FRAS1: variants seen among roughly 807,000 people sequenced by gnomAD.
FRAS1 encodes the protein extracellular matrix organizing protein FRAS1.
FRAS1 carries 290 observed loss-of-function variants against 435.2 expected under a neutral mutation model. The observed-to-expected ratio is 0.67, with a 90% confidence interval of 0.61 to 0.73. The LOEUF (loss-of-function observed/expected upper bound fraction) is 0.73. Ranked by LOEUF, FRAS1 falls within the 30% of genes least tolerant of loss-of-function variation. The pLI, the probability that FRAS1 is intolerant of heterozygous loss-of-function variation, is 0.00. For synonymous variants in FRAS1, 1,800 were observed against 1,851.0 expected (o/e 0.97, Z 0.71); for missense variants, 4,860 against 5,001.5 (o/e 0.97, Z 0.85).
chr4:78,057,972 G>A lies in FRAS1; in HGVS notation c.-38G>A, dbSNP rs1270460614. 1 of 1,602,730 alleles carries A rather than the reference G, an allele frequency of 6.2e-7. No individual in the cohort carries two copies. Among genetic ancestry groups the A allele is most frequent in the Non-Finnish European group, 8.5e-7 (1 of 1,170,328 alleles). On this transcript the variant is annotated 5_prime_UTR_variant, in exon 1 of 74. Transcript: ENST00000512123. This position sits in a 1 kb window ranked among gnomAD's most constrained non-coding sequence, Gnocchi z 4.2. ...TTGGCGGAGCCGCTTCTTGGATGCTGAAGGCTGGGCTCCTCCATCGTGGGT... is the reference window on the plus strand; with the variant it reads ...TTGGCGGAGCCGCTTCTTGGATGCTAAAGGCTGGGCTCCTCCATCGTGGGT...
At chr4:78,118,473 C>T (rs186308915) in intron 2 of FRAS1, among the ~76,000 whole-genome samples, 4 of 150,968 alleles carry the variant, frequency 2.6e-5, no homozygotes, top group African/African-American at 7.3e-5. Context: ...AGCTGCAGAT[C>T]GAGCTTCCCG....
intron 2 of FRAS1, among the ~76,000 whole-genome samples, chr4:78,178,443 A>C (rs1442067099): frequency 6.6e-6 from 1 of 152,238 alleles, no homozygotes; most frequent in Non-Finnish European, 1.5e-5. Context: ...CTCACATATA[A>C]GAAGAAGCTA....
At chr4:78,132,162 T>C (rs1430406823) in intron 2 of FRAS1, among the ~76,000 whole-genome samples, 1 of 152,240 alleles carries the variant, frequency 6.6e-6, no homozygotes, top group Non-Finnish European at 1.5e-5. Context: ...GCCAGGAACC[T>C]GGTTCTTGTA....
chr4:78,422,525 G>A lies in FRAS1; in HGVS notation c.4678+525G>A, dbSNP rs145156306. Among the ~76,000 whole-genome samples, 143 of 152,298 alleles carry A rather than the reference G, an allele frequency of 9.4e-4. 1 individual carries two copies. The highest frequency in any genetic ancestry group is 3.2e-3 in the African/African-American group (135 of 41,562). The stretch of plus-strand genomic sequence containing the variant: ...AAAAGTGTATGTATTTGGATGGTCA[G>A]GAAAATGTCCCTGAAGGAAGAGCAC... On this transcript the variant is annotated intron_variant, in intron 34 of 73. Transcript: ENST00000512123.
At chr4:78,167,972 A>G (rs984030780) in intron 2 of FRAS1, among the ~76,000 whole-genome samples, 7 of 151,964 alleles carry the variant, frequency 4.6e-5, no homozygotes. Context: ...TATGTTCTAT[A>G]TGTATCAAGA....
rs575534090 is a variant in FRAS1, at chr4:78,457,235, G to A, written c.6763+4881G>A. Among the ~76,000 whole-genome samples, 12 of 152,276 alleles carry A rather than the reference G, an allele frequency of 7.9e-5. No individual in the cohort carries two copies. In the South Asian group the frequency reaches 2.5e-3, roughly 32 times the overall value. ...CTTTCCTCCCACTGTGGAGTCCACC[G>A]GAAGCTGAACCAGAGCCCGAAATAA... On this transcript the variant is annotated intron_variant, in intron 47 of 73. Coordinates refer to ENST00000512123, the MANE Select transcript of FRAS1 (RefSeq NM_025074.7).
intron 66 of FRAS1, among the ~76,000 whole-genome samples, 191 bp from the exon 67 acceptor site, chr4:78,519,140 C>T (rs947830059): frequency 6.6e-6 from 1 of 152,168 alleles, no homozygotes; most frequent in Non-Finnish European, 1.5e-5. Context: ...AGAAGCATCC[C>T]GGCTGCTTTC....
chr4:78,438,867 G>T, intron 39 of FRAS1, 35 bp from the exon 40 acceptor site: 1 of 1,578,614 alleles, frequency 6.3e-7, no homozygotes, highest in Non-Finnish European at 8.6e-7. Context: ...TTGTCATCGT[G>T]GCTTATTCAT....
intron 2 of FRAS1, among the ~76,000 whole-genome samples, chr4:78,191,827 T>C (rs184140556): frequency 6.6e-6 from 1 of 152,270 alleles, no homozygotes; most frequent in Non-Finnish European, 1.5e-5. Flanking sequence ...TTGCTGAGAA[T>C]GATGGTTTCC....
At chr4:78,407,086 T>C (rs1267718990) in intron 30 of FRAS1, among the ~76,000 whole-genome samples, 1 of 152,240 alleles carries the variant, frequency 6.6e-6, no homozygotes, top group Non-Finnish European at 1.5e-5. Context: ...ACTTGGGTCC[T>C]GAATCCAAGA....
At chr4:78,522,615 G>A (rs1721419623) in intron 68 of FRAS1, 34 bp from the exon 69 acceptor site, 1 of 1,554,390 alleles carries the variant, frequency 6.4e-7, no homozygotes, top group Non-Finnish European at 8.7e-7. Flanking sequence ...TCTACCACAA[G>A]TACATTAAAT....
chr4:78,259,549 G>C (rs1196731901), intron 6 of FRAS1, among the ~76,000 whole-genome samples: 2 of 151,944 alleles, frequency 1.3e-5, no homozygotes, highest in East Asian at 3.9e-4. Context: ...CTTTTTGATA[G>C]GGTTGTTTGT....
intron 46 of FRAS1, 125 bp downstream of exon 46, chr4:78,452,016 T>G: frequency 1.6e-6 from 2 of 1,254,544 alleles, no homozygotes; most frequent in Non-Finnish European, 2.2e-6. Context: ...AAACTGAAAA[T>G]CATACCCCCT....
At chr4:78,373,881 T>C (rs1253013329) in intron 24 of FRAS1, among the ~76,000 whole-genome samples, 1 of 152,018 alleles carries the variant, frequency 6.6e-6, no homozygotes, top group African/African-American at 2.4e-5. Flanking sequence ...CAACCCCCAT[T>C]TTATAGAGAA....
At position 78,173,072 on chromosome 4, in the gene FRAS1, G is replaced by C. The variant is rs530363758; in HGVS notation, c.109-64438G>C. On this transcript the variant is annotated intron_variant, in intron 2 of 73. Transcript: ENST00000512123. ...ACAGCTCAGGTGTGCTCGAAAGGCT[G>C]ACTTCGGTTTTACAACTCTGCTCAG... 3.9e-4 allele frequency among the ~76,000 whole-genome samples: 60 copies of C among 152,354 alleles called. 1 individual carries two copies. Among genetic ancestry groups the C allele is most frequent in the South Asian group, 3.7e-3 (18 of 4,826 alleles).
At chr4:78,159,687 C>G (rs1219441589) in intron 2 of FRAS1, among the ~76,000 whole-genome samples, 1 of 152,110 alleles carries the variant, frequency 6.6e-6, no homozygotes, top group African/African-American at 2.4e-5. Context: ...TCGAGACCAG[C>G]CTGGCCAACA....
In FRAS1 at chr4:78,282,917, G is replaced by A. The variant is rs1236311405; in HGVS notation, c.1205G>A (p.Gly402Asp). ...YEPSCPPCPV[G>D]TLALEVKGQC... is the part of the protein sequence containing the mutation. ...CCCTCTTGCCCACCATGTCCAGTGG[G>A]CACACTGGCCTTAGAGGTGAAGGGA... Residue 402 changes from glycine to aspartate, a missense_variant, in exon 12 of 74, where the codon GGC becomes GAC. Physicochemically the swap from Gly to Asp is moderately conservative, Grantham distance 94. Transcript: ENST00000512123. 6 of 1,610,734 alleles carry A rather than the reference G, an allele frequency of 3.7e-6. No homozygotes were observed. In the South Asian group the frequency reaches 4.4e-5, roughly 12 times the overall value.
At chr4:78,207,872 C>T (rs1723328318) in intron 2 of FRAS1, among the ~76,000 whole-genome samples, 1 of 152,206 alleles carries the variant, frequency 6.6e-6, no homozygotes, top group African/African-American at 2.4e-5. Context: ...TTCATGGATA[C>T]ATTTTTGATC....
chr4:78,073,156 C>A (rs1010644424), intron 2 of FRAS1, among the ~76,000 whole-genome samples: 1 of 152,040 alleles, frequency 6.6e-6, no homozygotes, highest in Non-Finnish European at 1.5e-5. Flanking sequence ...TTTGTCCTTG[C>A]TGGGTTTTTA....
Sources: gnomAD v4.1 joint callset for allele counts (sites outside exome capture counted in the v4.1 genomes callset) on GRCh38, gnomAD v4.1.1 for gene constraint, Gnocchi (gnomAD v3.1) non-coding constraint, MANE v1.5 for transcripts, NCBI Gene and HGNC (gene_info 2026-07-23, HGNC 2026-07-21) for gene names.